The following SYNDIG1 variants were observed in gnomAD, a reference collection of about 807,000 sequenced individuals.
The protein encoded by SYNDIG1 is synapse differentiation-inducing gene protein 1.
In SYNDIG1, 9 loss-of-function variants were observed where a neutral mutation model predicts 19.4. The observed-to-expected ratio is 0.46, with a 90% CI of 0.28 to 0.81. The LOEUF is 0.81. Among genes scored for constraint, SYNDIG1 ranks in the 30% least tolerant of loss-of-function variants. The pLI, the probability that SYNDIG1 is intolerant of heterozygous loss-of-function variation, is 0.12. For synonymous variants in SYNDIG1, 141 were observed against 145.9 expected, an observed-to-expected ratio of 0.97 and a Z score of 0.24; for missense variants, 311 against 343.3, an observed-to-expected ratio of 0.91 and a Z score of 0.74.
At chr20:24,624,219 G>A (rs1381281429) in intron 3 of SYNDIG1, among the ~76,000 whole-genome samples, 4 of 138,898 alleles carry the variant, frequency 2.9e-5, no homozygotes, top group Non-Finnish European at 4.5e-5. Flanking sequence ...TCCTGCCACT[G>A]CAATCCAGCC....
intron 2 of SYNDIG1, among the ~76,000 whole-genome samples, chr20:24,546,981 C>T (rs2057590271): frequency 1.3e-5 from 2 of 152,140 alleles, no homozygotes; most frequent in South Asian, 4.1e-4. Flanking sequence ...CCAAATAATG[C>T]CGTTTTCAAA....
At chr20:24,594,609 C>T (rs1351812435) in intron 3 of SYNDIG1, among the ~76,000 whole-genome samples, 2 of 152,146 alleles carry the variant, frequency 1.3e-5, no homozygotes, top group Non-Finnish European at 2.9e-5. Flanking sequence ...TCTGTAAGTG[C>T]TTTAGGCAGT....
chr20:24,603,268 G>A (rs551821948), intron 3 of SYNDIG1, among the ~76,000 whole-genome samples: 1 of 152,154 alleles, frequency 6.6e-6, no homozygotes, highest in Admixed American at 6.5e-5. Flanking sequence ...TCGTGGCTAG[G>A]ATCAAACCAT....
intron 1 of SYNDIG1, among the ~76,000 whole-genome samples, chr20:24,494,766 G>A (rs1254544916): frequency 2.0e-5 from 3 of 152,158 alleles, no homozygotes; most frequent in South Asian, 2.1e-4. Flanking sequence ...CTGGCTTCAG[G>A]GACCTCAGAC....
intron 1 of SYNDIG1, among the ~76,000 whole-genome samples, chr20:24,501,595 G>T (rs541559359): frequency 6.6e-6 from 1 of 152,180 alleles, no homozygotes; most frequent in Non-Finnish European, 1.5e-5. Context: ...CCACTTATTA[G>T]CTGTGTGACC....
intron 3 of SYNDIG1, among the ~76,000 whole-genome samples, chr20:24,627,358 T>C (rs1397846510): frequency 1.3e-5 from 2 of 152,120 alleles, no homozygotes; most frequent in Non-Finnish European, 2.9e-5. Flanking sequence ...TGGTTCTCAG[T>C]CTTATCTACC....
chr20:24,550,627 G>A (rs565912315), intron 2 of SYNDIG1, among the ~76,000 whole-genome samples: 2 of 151,908 alleles, frequency 1.3e-5, no homozygotes, highest in East Asian at 3.9e-4. Flanking sequence ...TCCTGCCTCA[G>A]CCTCCCGAGT....
At chr20:24,576,785 C>T (rs1298700679) in intron 2 of SYNDIG1, among the ~76,000 whole-genome samples, 32 of 152,138 alleles carry the variant, frequency 2.1e-4, no homozygotes, top group Admixed American at 2.1e-3. Context: ...CTCCTCCTCC[C>T]CATCCCATCT....
chr20:24,564,637 A>T (rs1159790301), intron 2 of SYNDIG1, among the ~76,000 whole-genome samples: 1 of 152,232 alleles, frequency 6.6e-6, no homozygotes, highest in African/African-American at 2.4e-5. Context: ...CTGTCCTTAC[A>T]GATGAAGAAC....
intron 3 of SYNDIG1, among the ~76,000 whole-genome samples, chr20:24,657,193 G>A (rs1191261845): frequency 6.6e-6 from 1 of 152,210 alleles, no homozygotes; most frequent in Non-Finnish European, 1.5e-5. Context: ...AGCATTGCAA[G>A]GAGGGCCAAA....
intron 3 of SYNDIG1, among the ~76,000 whole-genome samples, chr20:24,661,502 A>T: frequency 7.5e-6 from 1 of 132,544 alleles, no homozygotes; most frequent in African/African-American, 2.8e-5. Flanking sequence ...GGAGGGAGGG[A>T]AGAGGGAGGA....
chr20:24,637,961 A>G (rs765171981), intron 3 of SYNDIG1, among the ~76,000 whole-genome samples: 1 of 152,238 alleles, frequency 6.6e-6, no homozygotes, highest in Non-Finnish European at 1.5e-5. Flanking sequence ...GGAGGGGTTA[A>G]ATGCCTTGAC....
At chr20:24,509,753 T>C (rs1600477135) in intron 1 of SYNDIG1, among the ~76,000 whole-genome samples, 1 of 152,222 alleles carries the variant, frequency 6.6e-6, no homozygotes, top group Non-Finnish European at 1.5e-5. Context: ...ATGTTCTCTC[T>C]CACAAATGCT....
In SYNDIG1 at chr20:24,533,520, C is replaced by T. The variant is rs138433548; in HGVS notation, c.-78-9500C>T. Among the ~76,000 whole-genome samples the T allele has an allele frequency of 5.0e-3, 760 of 152,216 alleles. 7 individuals are homozygous for T. The highest frequency in any genetic ancestry group is 0.017 in the African/African-American group (717 of 41,520). On this transcript the variant is annotated intron_variant, in intron 1 of 3. Coordinates refer to ENST00000376862, the MANE Select transcript of SYNDIG1 (RefSeq NM_024893.3). The stretch of plus-strand genomic sequence containing the variant: ...ATGCCTTGGGTTTGTCCCCAAGAAA[C>T]AAGCCTGGGGATGAGAATTTGGGAG...
intron 1 of SYNDIG1, among the ~76,000 whole-genome samples, chr20:24,532,206 T>C (rs1323500973): frequency 1.3e-5 from 2 of 152,194 alleles, no homozygotes; most frequent in Non-Finnish European, 2.9e-5. Flanking sequence ...AGCCCCGTAT[T>C]ACACAAGAGC....
At chr20:24,659,303 G>A (rs1456146875) in intron 3 of SYNDIG1, among the ~76,000 whole-genome samples, 1 of 152,222 alleles carries the variant, frequency 6.6e-6, no homozygotes, top group Non-Finnish European at 1.5e-5. Flanking sequence ...TGCCTGCATG[G>A]GGTTCTGCCC....
intron 1 of SYNDIG1, among the ~76,000 whole-genome samples, chr20:24,500,526 C>A (rs1485686435): frequency 7.4e-6 from 1 of 135,726 alleles, no homozygotes; most frequent in African/African-American, 2.8e-5. Flanking sequence ...TTCTTTCTTT[C>A]TTTCTTCTTT....
intron 1 of SYNDIG1, among the ~76,000 whole-genome samples, chr20:24,489,436 C>A (rs1292796478): frequency 6.6e-6 from 1 of 151,642 alleles, no homozygotes; most frequent in African/African-American, 2.4e-5. Context: ...CACATAGATA[C>A]ATGCACACAC....
At chr20:24,546,688 T>C (rs543510786) in intron 2 of SYNDIG1, among the ~76,000 whole-genome samples, 6 of 152,274 alleles carry the variant, frequency 3.9e-5, no homozygotes, top group African/African-American at 1.4e-4. Flanking sequence ...TCAGTCAGTG[T>C]GGGAGAGACT....
Sources: allele counts gnomAD v4.1 joint callset (sites outside exome capture counted in the v4.1 genomes callset), GRCh38; gene constraint gnomAD v4.1.1; transcripts MANE v1.5; gene names NCBI Gene and HGNC (gene_info 2026-07-23, HGNC 2026-07-21).